The following ERCC6 variants were observed in gnomAD, a reference collection of about 807,000 sequenced individuals.
ERCC6 encodes DNA excision repair protein ERCC-6.
Under a neutral mutation model 158.7 loss-of-function variants are expected in ERCC6, and 116 were observed. The observed-to-expected ratio is 0.73, with a 90% confidence interval of 0.63 to 0.85. The LOEUF (loss-of-function observed/expected upper bound fraction) is 0.85. Among genes scored for constraint, ERCC6 ranks in the 40% least tolerant of loss-of-function variants. ERCC6 has a pLI of 0.00. For missense variants in ERCC6, 1,698 were observed against 1,799.4 expected, an observed-to-expected ratio of 0.94 and a Z score of 1.02; for synonymous variants, 678 against 659.3, an observed-to-expected ratio of 1.03 and a Z score of -0.43.
intron 1 of ERCC6, among the ~76,000 whole-genome samples, chr10:49,538,180 C>G (rs1333126510): frequency 6.6e-6 from 1 of 152,198 alleles, no homozygotes; most frequent in African/African-American, 2.4e-5. Flanking sequence ...ACCGTCCTCC[C>G]CCATCACTGG....
chr10:49,500,516 C>T (rs1281685204), intron 7 of ERCC6, 22 bp downstream of exon 7: 39 of 1,612,744 alleles, frequency 2.4e-5, no homozygotes, highest in Non-Finnish European at 3.1e-5. Context: ...CACAGACTGA[C>T]AGTCTGCAGA....
In ERCC6 at chr10:49,515,656, G is replaced by A. The variant is rs1836928812; in HGVS notation, c.1397+8377C>T. ...AAGACCAGTTCGAAACAGAACAAAA[G>A]AGGGCTTGAATACCATTTCTTTCCA... is the stretch of plus-strand genomic sequence containing the variant. On this transcript the variant is annotated intron_variant, in intron 5 of 20. Transcript: ENST00000355832. The A allele has an allele frequency of 6.2e-7, 1 of 1,614,086 alleles. No individual in the cohort carries two copies.
intron 18 of ERCC6, among the ~76,000 whole-genome samples, chr10:49,464,028 G>T (rs1850628476): frequency 6.6e-6 from 1 of 152,220 alleles, no homozygotes; most frequent in South Asian, 2.1e-4. Context: ...TTGGAACTGG[G>T]TAACAGGTAG....
intron 8 of ERCC6, among the ~76,000 whole-genome samples, chr10:49,485,146 A>C (rs1438789683): frequency 6.6e-6 from 1 of 152,218 alleles, no homozygotes; most frequent in Non-Finnish European, 1.5e-5. Context: ...ATGCTCCTGC[A>C]CCACATTCTC....
At chr10:49,517,191 T>G in intron 5 of ERCC6, 6 of 1,505,468 alleles carry the variant, frequency 4.0e-6, no homozygotes, top group Non-Finnish European at 5.3e-6. Context: ...AAATGGAACA[T>G]GAAAAATGTC....
intron 4 of ERCC6, 42 bp from the exon 5 acceptor site, chr10:49,524,819 T>C (rs1308603513): frequency 6.3e-7 from 1 of 1,597,570 alleles, no homozygotes; most frequent in Non-Finnish European, 8.5e-7. Context: ...AGCATGAAAC[T>C]TTCCGAGGGT....
chr10:49,469,698 A>C (rs138679291), intron 18 of ERCC6, among the ~76,000 whole-genome samples: 1 of 152,316 alleles, frequency 6.6e-6, no homozygotes, highest in East Asian at 1.9e-4. Flanking sequence ...AAGCAGGGCT[A>C]TCTATATACT....
Position 49,524,105 on chromosome 10 carries a change from CCTT to C in ERCC6, c.1322_1324del (p.Glu441del), listed in dbSNP as rs769020754. On this transcript the variant is annotated inframe_deletion, in exon 5 of 21. Coordinates refer to ENST00000355832, the MANE Select transcript of ERCC6 (RefSeq NM_000124.4). ...TCCCACTTTCCGACCTCCTCCTCCT[CCTT>C]CTCCTACAGAAGCAGCTTCAGCTTC... 46 of 1,613,998 alleles carry C rather than the reference CCTT, an allele frequency of 2.9e-5. No homozygotes were observed. The highest frequency in any genetic ancestry group is 3.9e-5 in the Non-Finnish European group (46 of 1,180,028).
At chr10:49,440,794 G>A in the ERCC6 span, among the ~76,000 whole-genome samples, 1 of 152,168 alleles carries the variant, frequency 6.6e-6, no homozygotes, top group South Asian at 2.1e-4. Context: ...AGCCAGGCGG[G>A]GGTTACAGGA....
At chr10:49,459,738 A>C (rs1163729979) in intron 20 of ERCC6, among the ~76,000 whole-genome samples, 1 of 152,210 alleles carries the variant, frequency 6.6e-6, no homozygotes, top group East Asian at 1.9e-4. Flanking sequence ...ACACAAATCT[A>C]ACTCTGAAAG....
chr10:49,461,169 A>C (rs547297968), intron 19 of ERCC6, among the ~76,000 whole-genome samples, 183 bp downstream of exon 19: 1 of 152,342 alleles, frequency 6.6e-6, no homozygotes, highest in Non-Finnish European at 1.5e-5. Context: ...GGATGAAAGC[A>C]AGGAGGAAGG....
the ERCC6 span, among the ~76,000 whole-genome samples, chr10:49,441,108 G>C: frequency 5.9e-5 from 9 of 152,194 alleles, no homozygotes; most frequent in African/African-American, 2.2e-4. Context: ...ATCAGTTACT[G>C]GTTTCAGTTG....
Position 49,493,165 on chromosome 10 carries a change from C to T in ERCC6, c.1773G>A (p.Pro591=), listed in dbSNP as rs369030114. ...WVKEFHTWWP[P]FRVAILHETG... is the part of the protein sequence containing the mutation. ...TTTCATGTAGAATTGCCACTCTGAACGGAGGCCACCACGTGTGAAATTCCT... is the reference window on the plus strand; with the variant it reads ...TTTCATGTAGAATTGCCACTCTGAATGGAGGCCACCACGTGTGAAATTCCT... The change falls in exon 8 of 21, where the codon CCG becomes CCA. Residue 591 remains proline, a synonymous_variant. Coordinates refer to ENST00000355832, the MANE Select transcript of ERCC6 (RefSeq NM_000124.4). 2.5e-5 allele frequency: 40 copies of T among 1,613,940 alleles called. No individual in the cohort carries two copies. In the South Asian group the frequency reaches 2.9e-4, roughly 12 times the overall value.
intron 12 of ERCC6, among the ~76,000 whole-genome samples, 158 bp downstream of exon 12, chr10:49,476,057 C>T (rs889499224): frequency 9.2e-5 from 14 of 152,186 alleles, no homozygotes; most frequent in African/African-American, 3.1e-4. Context: ...CGGCTCCAGG[C>T]CATAGGCTGA....
At chr10:49,440,415 G>A in the ERCC6 span, among the ~76,000 whole-genome samples, 4 of 152,064 alleles carry the variant, frequency 2.6e-5, no homozygotes, top group Admixed American at 6.5e-5. Flanking sequence ...AATTACCTCC[G>A]CCTGGTCCCT....
intron 5 of ERCC6, among the ~76,000 whole-genome samples, chr10:49,508,257 T>G (rs974431198): frequency 6.6e-6 from 1 of 152,172 alleles, no homozygotes; most frequent in African/African-American, 2.4e-5. Context: ...ACAAGGCCAT[T>G]AAATATTTTA....
intron 18 of ERCC6, among the ~76,000 whole-genome samples, chr10:49,464,834 T>A (rs574142370): frequency 2.4e-4 from 37 of 152,292 alleles, no homozygotes; most frequent in African/African-American, 8.9e-4. Context: ...CTGCCTAGAT[T>A]TCAAAAGATG....
chr10:49,469,348 C>T (rs1458055248), intron 18 of ERCC6, among the ~76,000 whole-genome samples: 4 of 151,972 alleles, frequency 2.6e-5, no homozygotes, highest in Admixed American at 6.6e-5. Flanking sequence ...GAGTAAGATA[C>T]GGTATCACCT....
chr10:49,508,806 G>A (rs566977108), intron 5 of ERCC6, among the ~76,000 whole-genome samples: 46 of 152,214 alleles, frequency 3.0e-4, no homozygotes, highest in African/African-American at 8.4e-4. Context: ...AGATGGGGCC[G>A]ACAAGTACAC....
Sources: allele counts gnomAD v4.1 joint callset (sites outside exome capture counted in the v4.1 genomes callset), GRCh38; gene constraint gnomAD v4.1.1; transcripts MANE v1.5; gene names NCBI Gene and HGNC (gene_info 2026-07-23, HGNC 2026-07-21).